MGAT5: variants seen among roughly 807,000 people sequenced by gnomAD.
MGAT5 encodes alpha-1,6-mannosylglycoprotein 6-beta-N-acetylglucosaminyltransferase.
Under a neutral mutation model 94.3 loss-of-function variants are expected in MGAT5, and 30 were observed. The ratio of observed to expected loss-of-function variants is 0.32; its 90% CI spans 0.24 to 0.43. The LOEUF is 0.43. Among genes scored for constraint, MGAT5 ranks in the 20% least tolerant of loss-of-function variants. The pLI is 1.00. For missense variants in MGAT5, 691 were observed against 905.5 expected, an observed-to-expected ratio of 0.76 and a Z score of 3.04; for synonymous variants, 310 against 322.9, an observed-to-expected ratio of 0.96 and a Z score of 0.43.
chr2:134,356,222 G>T (rs757608079), intron 9 of MGAT5, among the ~76,000 whole-genome samples: 1 of 152,138 alleles, frequency 6.6e-6, no homozygotes, highest in African/African-American at 2.4e-5. Context: ...AGAAAAGACA[G>T]GAAGCTATAA....
At chr2:134,256,191 A>G (rs1682950329) in intron 1 of MGAT5, among the ~76,000 whole-genome samples, 1 of 152,114 alleles carries the variant, frequency 6.6e-6, no homozygotes, top group Admixed American at 6.6e-5. Flanking sequence ...CTGAAAAGTA[A>G]CTAGGTAGTT....
intron 1 of MGAT5, among the ~76,000 whole-genome samples, chr2:134,191,063 G>A (rs932187863): frequency 6.6e-6 from 1 of 152,160 alleles, no homozygotes; most frequent in Non-Finnish European, 1.5e-5. Context: ...TTCCCAAGCC[G>A]AAACTGTGTC....
chr2:134,196,915 A>G (rs1679521995), intron 1 of MGAT5, among the ~76,000 whole-genome samples: 1 of 152,244 alleles, frequency 6.6e-6, no homozygotes, highest in South Asian at 2.1e-4. Flanking sequence ...CTAGTTTAAC[A>G]GGAATATGTG....
chr2:134,428,377 A>T lies in MGAT5; in HGVS notation c.1807A>T (p.Met603Leu), dbSNP rs1297720816. 6.2e-7 allele frequency: 1 copy of T among 1,614,098 alleles called. No homozygotes were observed. Among genetic ancestry groups the T allele is most frequent in the East Asian group, 2.2e-5 (1 of 44,884 alleles). Reference sequence around the variant, plus strand: ...TCTGTTTCCACAGATTGAGCCATACATGCCATATGAATTTACGTGCGAGGG... The same window carrying T: ...TCTGTTTCCACAGATTGAGCCATACTTGCCATATGAATTTACGTGCGAGGG... ...AILNQKIEPY[M>L]PYEFTCEGML... The change falls in exon 14 of 16, where the codon ATG becomes TTG. Residue 603 changes from methionine to leucine, a missense_variant. This residue lies in a region of MGAT5 where 260 missense variants were observed against 347.0 expected (regional missense o/e 0.75). Transcript: ENST00000281923.
intron 1 of MGAT5, among the ~76,000 whole-genome samples, chr2:134,175,961 C>G (rs190725042): frequency 6.6e-6 from 1 of 152,256 alleles, no homozygotes; most frequent in East Asian, 1.9e-4. Context: ...GAGCAGGGTC[C>G]TGGATTATTT....
intron 12 of MGAT5, among the ~76,000 whole-genome samples, chr2:134,416,141 A>G (rs1208093517): frequency 2.0e-5 from 3 of 152,262 alleles, no homozygotes; most frequent in African/African-American, 7.2e-5. Flanking sequence ...CTTACCATTT[A>G]TCGTTAAAGT....
At position 134,296,081 on chromosome 2, in the gene MGAT5, C is replaced by T. The variant is rs955809979; in HGVS notation, c.407-21448C>T. Reference sequence around the variant, plus strand: ...GACTCTTGAAATACTGTGATCTTGGCGGTTTAGGCCAAGAGGTGGGGTAAA... The same window carrying T: ...GACTCTTGAAATACTGTGATCTTGGTGGTTTAGGCCAAGAGGTGGGGTAAA... On this transcript the variant is annotated intron_variant, in intron 2 of 15. Coordinates refer to ENST00000281923, the MANE Select transcript of MGAT5 (RefSeq NM_002410.5). Among the ~76,000 whole-genome samples, 11 of 151,948 alleles carry T rather than the reference C, an allele frequency of 7.2e-5. No homozygotes were observed. In the South Asian group the frequency reaches 1.2e-3, roughly 17 times the overall value.
At chr2:134,398,469 T>C (rs917381256) in intron 10 of MGAT5, among the ~76,000 whole-genome samples, 1 of 152,150 alleles carries the variant, frequency 6.6e-6, no homozygotes, top group African/African-American at 2.4e-5. Flanking sequence ...CATAAGGTGC[T>C]GCGTGAATGA....
At chr2:134,206,734 G>T (rs1357422923) in intron 1 of MGAT5, among the ~76,000 whole-genome samples, 1 of 152,198 alleles carries the variant, frequency 6.6e-6, no homozygotes, top group South Asian at 2.1e-4. Context: ...TTACTCAGAA[G>T]AGAAGGCAGT....
chr2:134,242,288 C>T (rs1682017176), intron 1 of MGAT5, among the ~76,000 whole-genome samples: 2 of 152,158 alleles, frequency 1.3e-5, no homozygotes, highest in African/African-American at 4.8e-5. Context: ...CATTTTTAAC[C>T]TGATGGATCA....
intron 1 of MGAT5, among the ~76,000 whole-genome samples, chr2:134,222,818 ACTT>A (rs1489543237): frequency 6.6e-6 from 1 of 151,714 alleles, no homozygotes; most frequent in East Asian, 1.9e-4. Context: ...GGCATGCATT[ACTT>A]CTTAAAATTA....
intron 4 of MGAT5, among the ~76,000 whole-genome samples, chr2:134,323,592 T>C (rs74498625): frequency 0.01 from 1,597 of 152,216 alleles, 20 homozygotes; most frequent in African/African-American, 0.028. Flanking sequence ...GTCTCCTTTA[T>C]GATGAAGGAA....
chr2:134,169,039 G>A (rs1207825294), intron 1 of MGAT5, among the ~76,000 whole-genome samples: 1 of 152,112 alleles, frequency 6.6e-6, no homozygotes. Context: ...ATCCTGGGTG[G>A]GCACCACACA....
chr2:134,408,740 C>T (rs933636338), intron 11 of MGAT5, among the ~76,000 whole-genome samples: 6 of 152,118 alleles, frequency 3.9e-5, no homozygotes, highest in Non-Finnish European at 7.4e-5. Context: ...GGCAGATGGC[C>T]AGGGAGGGAC....
chr2:134,382,735 AT>A (rs1681712374), intron 10 of MGAT5, among the ~76,000 whole-genome samples: 1 of 152,168 alleles, frequency 6.6e-6, no homozygotes, highest in African/African-American at 2.4e-5. Context: ...TACTTCTACC[AT>A]TTCCTTTGTC....
chr2:134,152,659 A>G (rs953778607), intron 1 of MGAT5, among the ~76,000 whole-genome samples: 1 of 152,272 alleles, frequency 6.6e-6, no homozygotes, highest in African/African-American at 2.4e-5. Context: ...TTGGGAAGCC[A>G]GAGACTTCAC....
chr2:134,232,096 TCCTC>T lies in MGAT5; in HGVS notation c.-142-22165_-142-22162del, dbSNP rs749457958. ...GGTCATTCTATACTCCTCCTCCTCC[TCCTC>T]GTCTTCCCTCATTCCTTCCAGTTAG... On this transcript the variant is annotated intron_variant, in intron 1 of 16. Transcript: ENST00000409645. Among the ~76,000 whole-genome samples, 696 of 151,938 alleles carry T rather than the reference TCCTC, an allele frequency of 4.6e-3. 14 individuals are homozygous for T. In the East Asian group the frequency reaches 0.099, roughly 22 times the overall value.
chr2:134,196,374 A>G (rs1215167075), intron 1 of MGAT5, among the ~76,000 whole-genome samples: 4 of 151,052 alleles, frequency 2.6e-5, no homozygotes, highest in Non-Finnish European at 5.9e-5. Context: ...TGTGTGGTAT[A>G]TGGCCTTTTC....
rs1255889618 is a variant in MGAT5 at position 134,412,922 on chromosome 2, C to T, written c.1584C>T (p.Ile528=). The change falls in exon 12 of 16, where the codon ATC becomes ATT. Residue 528 remains isoleucine (I), a synonymous_variant. Transcript: ENST00000281923. ...AGGGCCCAGCTCCCCTGGAAGCTAT[C>T]GCAAATGGATGTGCTTTTCTGAATC... ...PYEGPAPLEA[I]ANGCAFLNPK... is the part of the protein sequence containing the mutation. 3.1e-6 allele frequency: 5 copies of T among 1,614,144 alleles called. No individual in the cohort carries two copies. The highest frequency in any genetic ancestry group is 1.1e-5 in the South Asian group (1 of 91,080).
Sources: allele counts gnomAD v4.1 joint callset (sites outside exome capture counted in the v4.1 genomes callset), GRCh38; gene constraint gnomAD v4.1.1; regional missense constraint gnomAD v4.1.1; transcripts MANE v1.5; gene names NCBI Gene and HGNC (gene_info 2026-07-23, HGNC 2026-07-21).